BPI: variants seen among roughly 807,000 people sequenced by gnomAD.
BPI encodes bactericidal permeability-increasing protein.
Under a neutral mutation model 57.6 loss-of-function variants are expected in BPI, and 48 were observed. The ratio of observed to expected loss-of-function variants is 0.83; its 90% CI spans 0.66 to 1.06. BPI has a LOEUF of 1.06. BPI is among the 50% of genes least tolerant of loss of function. The pLI, the probability that BPI is intolerant of heterozygous loss-of-function variation, is 0.00. For missense variants in BPI, 651 were observed against 609.7 expected, an observed-to-expected ratio of 1.07 and a Z score of -0.71; for synonymous variants, 237 against 238.2, an observed-to-expected ratio of 0.99 and a Z score of 0.05.
At chr20:38,332,617 T>C (rs913037092) in intron 12 of BPI, among the ~76,000 whole-genome samples, 1 of 152,058 alleles carries the variant, frequency 6.6e-6, no homozygotes. Context: ...AGGGAAAGGA[T>C]TGTCCAGGTG....
At position 38,327,972 on chromosome 20, in the gene BPI, G is replaced by A. The variant is rs371373844; in HGVS notation, c.1229+317G>A. Among the ~76,000 whole-genome samples, 10 of 152,268 alleles carry A rather than the reference G, an allele frequency of 6.6e-5. No individual in the cohort carries two copies. In the East Asian group the frequency reaches 9.7e-4, roughly 15 times the overall value. On this transcript the variant is annotated intron_variant, in intron 11 of 14. Coordinates refer to ENST00000642449, the MANE Select transcript of BPI (RefSeq NM_001725.3). The stretch of plus-strand genomic sequence containing the variant: ...TGGCCAGTCCTCATGGCTGGGAGGC[G>A]TCAGCTGATGATCCCCACTGAACCA...
Position 38,327,569 on chromosome 20 carries a change from T to G in BPI, c.1162-19T>G. On this transcript the variant is annotated intron_variant, in intron 10 of 14. Coordinates refer to ENST00000642449, the MANE Select transcript of BPI (RefSeq NM_001725.3). ...GTGCCTGGGTCAGGGCACTTCACCC[T>G]GGGTTGTTGTTTTGGCAGCACACAA... The G allele has an allele frequency of 6.2e-7, 1 of 1,612,294 alleles. No individual in the cohort carries two copies. The highest frequency in any genetic ancestry group is 1.1e-5 in the South Asian group (1 of 91,014).
rs775959420 is a variant in BPI at position 38,326,272 on chromosome 20, A to G, written c.1001A>G (p.Lys334Arg). 2.2e-5 allele frequency: 35 copies of G among 1,612,016 alleles called. No individual in the cohort carries two copies. The highest frequency in any genetic ancestry group is 2.6e-5 in the Non-Finnish European group (31 of 1,178,964). Residue 334 changes from lysine (K) to arginine (R), a missense_variant, in exon 10 of 15, where the codon AAG becomes AGG. Lys to Arg is a conservative substitution (Grantham distance 26). Coordinates refer to ENST00000642449, the MANE Select transcript of BPI (RefSeq NM_001725.3). ...FFGTFLPEVAKKFPNMKIQIH... is the reference protein window; with the variant it reads ...FFGTFLPEVARKFPNMKIQIH... ...CTCCACTGGGGGCTGCAGGTGGCCA[A>G]GAAGTTTCCCAACATGAAGATACAG...
Position 38,310,550 on chromosome 20 carries a change from A to T in BPI, c.434A>T (p.Lys145Met). Residue 145 changes from lysine (K) to methionine (M), a missense_variant, in exon 4 of 15, where the codon AAG becomes ATG. By Grantham distance (95) the Lys-to-Met change is moderately conservative (BLOSUM62 -1). Transcript: ENST00000642449. ...GGCATGTCCATTTCGGCTGATCTGA[A>T]GCTGGGCAGTAACCCCACGTCAGGC... ...IEGMSISADL[K>M]LGSNPTSGKP... 6.2e-7 allele frequency: 1 copy of T among 1,614,206 alleles called. No individual in the cohort carries two copies. The highest frequency in any genetic ancestry group is 1.7e-5 in the Admixed American group (1 of 60,028).
intron 5 of BPI, 49 bp from the exon 6 acceptor site, chr20:38,318,363 AT>A: frequency 6.4e-7 from 1 of 1,561,164 alleles, no homozygotes; most frequent in Non-Finnish European, 8.8e-7. Flanking sequence ...GTCAAGGGAC[AT>A]TTTTCACTAT....
intron 5 of BPI, among the ~76,000 whole-genome samples, chr20:38,314,035 G>C (rs1292189442): frequency 1.3e-5 from 2 of 149,738 alleles, no homozygotes; most frequent in Admixed American, 6.7e-5. Flanking sequence ...GATGAGGATG[G>C]TGATGGTGAT....
intron 13 of BPI, 64 bp downstream of exon 13, chr20:38,334,557 C>T (rs2122570192): frequency 6.6e-7 from 1 of 1,515,964 alleles, no homozygotes; most frequent in Non-Finnish European, 9.2e-7. Context: ...GTTGATTACC[C>T]ACAGCCACCT....
chr20:38,323,482 C>T (rs540591543), intron 7 of BPI, among the ~76,000 whole-genome samples: 44 of 152,274 alleles, frequency 2.9e-4, no homozygotes, highest in Non-Finnish European at 4.4e-4. Context: ...CTGTTCTTTT[C>T]GTAGGGTTTC....
At chr20:38,331,916 G>T (rs558978482) in intron 12 of BPI, among the ~76,000 whole-genome samples, 1 of 152,262 alleles carries the variant, frequency 6.6e-6, no homozygotes, top group South Asian at 2.1e-4. Context: ...AGCGGGGATG[G>T]GCGGAAAGTG....
chr20:38,330,358 T>G (rs988775962), intron 11 of BPI, among the ~76,000 whole-genome samples: 8 of 152,352 alleles, frequency 5.3e-5, no homozygotes, highest in African/African-American at 1.4e-4. Flanking sequence ...TAATGGCCCT[T>G]GCCTCTTGTA....
chr20:38,325,914 A>G (rs1309470750), intron 9 of BPI, among the ~76,000 whole-genome samples: 1 of 152,212 alleles, frequency 6.6e-6, no homozygotes, highest in Non-Finnish European at 1.5e-5. Flanking sequence ...CTGTCTGAGA[A>G]AGTAACATCT....
At position 38,329,634 on chromosome 20, in the gene BPI, G is replaced by A. The variant is rs537953874; in HGVS notation, c.1230-1414G>A. On this transcript the variant is annotated intron_variant, in intron 11 of 14. Transcript: ENST00000642449. Reference sequence around the variant, plus strand: ...GGGCTACTGACTCTTGAGGAGCAAGGGCAAGTTTTTAAGCTTTGTACAGTG... The same window carrying A: ...GGGCTACTGACTCTTGAGGAGCAAGAGCAAGTTTTTAAGCTTTGTACAGTG... Among the ~76,000 whole-genome samples, 7 of 152,242 alleles carry A rather than the reference G, an allele frequency of 4.6e-5. No individual in the cohort carries two copies. The East Asian group carries it at 7.7e-4, about 17-fold the overall frequency.
At chr20:38,327,918 T>C (rs2076721833) in intron 11 of BPI, among the ~76,000 whole-genome samples, 1 of 152,204 alleles carries the variant, frequency 6.6e-6, no homozygotes, top group Admixed American at 6.5e-5. Flanking sequence ...GTCCCGGTTC[T>C]AGCAGTGACA....
chr20:38,331,159 G>C, intron 12 of BPI, 69 bp downstream of exon 12: 1 of 1,534,156 alleles, frequency 6.5e-7, no homozygotes, highest in Non-Finnish European at 9.0e-7. Flanking sequence ...ACATGTCATA[G>C]GCTCAAGGCA....
At chr20:38,328,393 AAAT>A (rs1157460049) in intron 11 of BPI, among the ~76,000 whole-genome samples, 2 of 152,084 alleles carry the variant, frequency 1.3e-5, no homozygotes, top group Non-Finnish European at 2.9e-5. Flanking sequence ...TCTCTATTAA[AAAT>A]AAAAAATTAA....
chr20:38,317,257 G>A lies in BPI; in HGVS notation c.601-1156G>A, dbSNP rs528988178. On this transcript the variant is annotated intron_variant, in intron 5 of 14. Transcript: ENST00000642449. ...AAATCCTATATTCTAGCTATCTATT[G>A]CTTGAAAACAAACAACTCAAAATTT... is the stretch of plus-strand genomic sequence containing the variant. Among the ~76,000 whole-genome samples, 7 of 152,292 alleles carry A rather than the reference G, an allele frequency of 4.6e-5. No individual in the cohort carries two copies. The East Asian group carries it at 1.4e-3, about 29-fold the overall frequency.
At chr20:38,318,612 T>C (rs1390019758) in intron 6 of BPI, 136 bp downstream of exon 6, 11 of 925,360 alleles carry the variant, frequency 1.2e-5, no homozygotes, top group Non-Finnish European at 1.9e-5. Context: ...AGTAGTACAT[T>C]ATTTTCAAGA....
At chr20:38,314,020 G>A (rs2076635435) in intron 5 of BPI, among the ~76,000 whole-genome samples, 1 of 146,828 alleles carries the variant, frequency 6.8e-6, no homozygotes, top group South Asian at 2.2e-4. Context: ...AGTAATGGTG[G>A]AGATGATGAG....
chr20:38,316,724 A>C (rs1338086124), intron 5 of BPI, among the ~76,000 whole-genome samples: 1 of 152,158 alleles, frequency 6.6e-6, no homozygotes, highest in African/African-American at 2.4e-5. Flanking sequence ...CAGAAGCGGG[A>C]AGAAGGCTGG....
Sources: gnomAD v4.1 joint callset for allele counts (sites outside exome capture counted in the v4.1 genomes callset) on GRCh38, gnomAD v4.1.1 for gene constraint, MANE v1.5 for transcripts, NCBI Gene and HGNC (gene_info 2026-07-23, HGNC 2026-07-21) for gene names.